Variants in TBC1D22A observed in about 807,000 individuals in gnomAD.
TBC1D22A encodes putative GTPase activator.
Under a neutral mutation model 60.2 loss-of-function variants are expected in TBC1D22A, and 38 were observed. The ratio of observed to expected loss-of-function variants is 0.63; its 90% confidence interval spans 0.49 to 0.83. The LOEUF is 0.83. Among genes scored for constraint, TBC1D22A ranks in the 40% least tolerant of loss-of-function variants. TBC1D22A has a pLI of 0.00. For synonymous variants in TBC1D22A, 302 were observed against 281.7 expected, an observed-to-expected ratio of 1.07 and a Z score of -0.72; for missense variants, 628 against 701.0, an observed-to-expected ratio of 0.90 and a Z score of 1.18.
chr22:47,117,949 C>T (rs2066130031), intron 12 of TBC1D22A, among the ~76,000 whole-genome samples: 1 of 152,042 alleles, frequency 6.6e-6, no homozygotes, highest in South Asian at 2.1e-4. Context: ...ATAGTGAAAC[C>T]TTGTCTCTAC....
chr22:46,839,835 G>A (rs140676099), intron 4 of TBC1D22A, among the ~76,000 whole-genome samples: 385 of 152,288 alleles, frequency 2.5e-3, no homozygotes, highest in African/African-American at 8.4e-3. Context: ...TGCCAAGAAC[G>A]CACAATAGGG....
chr22:46,995,125 C>A (rs1486752776), intron 9 of TBC1D22A, among the ~76,000 whole-genome samples: 1 of 152,192 alleles, frequency 6.6e-6, no homozygotes, highest in Non-Finnish European at 1.5e-5. Flanking sequence ...CCAAGCTTCT[C>A]CCTGAATCAG....
Position 46,791,016 on chromosome 22 carries a change from AG to A in TBC1D22A, c.63-1502del, listed in dbSNP as rs2084381676. On this transcript the variant is annotated intron_variant, in intron 1 of 12. Transcript: ENST00000337137. Reference sequence around the variant, plus strand: ...TGGCTCACTGCAACCTCCACCTCCCAGGCTCAAGCGATCATCCGGCCATTTT... The same window carrying A: ...TGGCTCACTGCAACCTCCACCTCCCAGCTCAAGCGATCATCCGGCCATTTT... 2.6e-5 allele frequency among the ~76,000 whole-genome samples: 4 copies of A among 152,130 alleles called. No homozygotes were observed. The South Asian group carries it at 8.3e-4, about 32-fold the overall frequency.
intron 12 of TBC1D22A, among the ~76,000 whole-genome samples, chr22:47,125,819 C>G (rs1025428409): frequency 6.6e-6 from 1 of 152,186 alleles, no homozygotes; most frequent in Non-Finnish European, 1.5e-5. Flanking sequence ...CAGGCCAACC[C>G]CAGCCTGAGC....
At chr22:47,161,547 A>C (rs1336128274) in intron 12 of TBC1D22A, among the ~76,000 whole-genome samples, 1 of 152,224 alleles carries the variant, frequency 6.6e-6, no homozygotes, top group Non-Finnish European at 1.5e-5. Flanking sequence ...TGTTACTGTG[A>C]AAAAGTTTAA....
At chr22:47,131,242 G>GT (rs1370526729) in intron 12 of TBC1D22A, among the ~76,000 whole-genome samples, 1 of 152,216 alleles carries the variant, frequency 6.6e-6, no homozygotes, top group Non-Finnish European at 1.5e-5. Flanking sequence ...CATTCAAACT[G>GT]TATCACTGTC....
intron 12 of TBC1D22A, among the ~76,000 whole-genome samples, chr22:47,113,826 G>T (rs2065934472): frequency 6.6e-6 from 1 of 152,170 alleles, no homozygotes; most frequent in Non-Finnish European, 1.5e-5. Flanking sequence ...GCCCCTCAGG[G>T]TGAAGGACAG....
intron 4 of TBC1D22A, among the ~76,000 whole-genome samples, chr22:46,864,196 T>G (rs568853898): frequency 6.6e-6 from 1 of 152,326 alleles, no homozygotes; most frequent in South Asian, 2.1e-4. Context: ...GAAGTTATTT[T>G]GAAAAACTCT....
intron 7 of TBC1D22A, among the ~76,000 whole-genome samples, chr22:46,900,158 T>TC (rs1442944300): frequency 6.6e-6 from 1 of 150,826 alleles, no homozygotes; most frequent in Non-Finnish European, 1.5e-5. Flanking sequence ...GGTTTTTTTT[T>TC]TTTTTTTTGA....
At chr22:47,063,083 G>A in intron 11 of TBC1D22A, among the ~76,000 whole-genome samples, 1 of 152,166 alleles carries the variant, frequency 6.6e-6, no homozygotes, top group East Asian at 1.9e-4. Context: ...GCAGTTCTGG[G>A]TGCAGGAGCA....
intron 8 of TBC1D22A, among the ~76,000 whole-genome samples, chr22:46,971,582 T>TG (rs2074061309): frequency 6.6e-6 from 1 of 152,230 alleles, no homozygotes; most frequent in South Asian, 2.1e-4. Context: ...GGGAGGCCAC[T>TG]TACCCTCCTG....
chr22:47,004,750 A>G (rs1192940167), intron 10 of TBC1D22A, among the ~76,000 whole-genome samples: 5 of 145,732 alleles, frequency 3.4e-5, no homozygotes, highest in African/African-American at 1.4e-4. Flanking sequence ...ACACCTACAT[A>G]CACATCTCTA....
chr22:46,838,410 A>G (rs1318560240), intron 4 of TBC1D22A, among the ~76,000 whole-genome samples: 1 of 152,252 alleles, frequency 6.6e-6, no homozygotes, highest in Non-Finnish European at 1.5e-5. Flanking sequence ...AGATTGAATC[A>G]GTAATCGGAT....
At chr22:47,085,705 G>A (rs1469009198) in intron 11 of TBC1D22A, among the ~76,000 whole-genome samples, 2 of 152,036 alleles carry the variant, frequency 1.3e-5, no homozygotes, top group South Asian at 2.1e-4. Context: ...AAATCTGATC[G>A]AAAGATTACA....
chr22:47,156,539 G>T (rs540294280), intron 12 of TBC1D22A, among the ~76,000 whole-genome samples: 1 of 152,308 alleles, frequency 6.6e-6, no homozygotes, highest in African/African-American at 2.4e-5. Context: ...GCTTGAGGCT[G>T]GCCGGAGTGA....
At chr22:47,036,025 GA>G (rs1295973011) in intron 10 of TBC1D22A, among the ~76,000 whole-genome samples, 1 of 152,288 alleles carries the variant, frequency 6.6e-6, no homozygotes, top group East Asian at 1.9e-4. Context: ...TTCTTTGAGG[GA>G]ATGGCGATCC....
At chr22:46,769,465 C>T (rs1328936704) in intron 1 of TBC1D22A, among the ~76,000 whole-genome samples, 4 of 152,238 alleles carry the variant, frequency 2.6e-5, no homozygotes, top group Non-Finnish European at 5.9e-5. Flanking sequence ...CAGTGCTGGG[C>T]AGGTGGCAGT....
At chr22:46,941,289 A>G (rs1012851163) in intron 8 of TBC1D22A, among the ~76,000 whole-genome samples, 1 of 149,856 alleles carries the variant, frequency 6.7e-6, no homozygotes, top group Non-Finnish European at 1.5e-5. Flanking sequence ...ATATATATGT[A>G]TATACACAGT....
rs186081845 is a variant in TBC1D22A at position 46,886,638 on chromosome 22, G to A, written c.709-4628G>A. Among the ~76,000 whole-genome samples the A allele has an allele frequency of 2.9e-3, 439 of 152,324 alleles. 5 individuals are homozygous for A. The highest frequency in any genetic ancestry group is 3.4e-3 in the Middle Eastern group (1 of 294). On this transcript the variant is annotated intron_variant, in intron 5 of 12. Coordinates refer to ENST00000337137, the MANE Select transcript of TBC1D22A (RefSeq NM_014346.5). ...GCTGATGTGTGTTTGAGAATACTGG[G>A]CAATTAGAAATAATCAAAATACTCA...
Sources: allele counts gnomAD v4.1 joint callset (sites outside exome capture counted in the v4.1 genomes callset), GRCh38; gene constraint gnomAD v4.1.1; transcripts MANE v1.5; gene names NCBI Gene and HGNC (gene_info 2026-07-23, HGNC 2026-07-21).